C9orf72: variants seen among roughly 807,000 people sequenced by gnomAD.
The protein encoded by C9orf72 is C9orf72-SMCR8 complex subunit.
A neutral mutation model predicts 51.6 loss-of-function variants in C9orf72; 44 were observed. The observed-to-expected ratio is 0.85, with a 90% CI of 0.67 to 1.10. C9orf72 has a LOEUF of 1.10. Among genes scored for constraint, C9orf72 ranks in the 50% least tolerant of loss-of-function variants. C9orf72 has a pLI of 0.00. For missense variants in C9orf72, 607 were observed against 570.6 expected (o/e 1.06, Z -0.65); for synonymous variants, 213 against 194.2 (o/e 1.10, Z -0.81).
intron 7 of C9orf72, among the ~76,000 whole-genome samples, chr9:27,557,862 A>G (rs570174730): frequency 3.0e-4 from 46 of 152,078 alleles, no homozygotes; most frequent in Non-Finnish European, 5.6e-4. Flanking sequence ...GAAAGTAGTC[A>G]CTATGAGACA....
chr9:27,550,956 A>G (rs1820893749), intron 8 of C9orf72, among the ~76,000 whole-genome samples: 1 of 152,180 alleles, frequency 6.6e-6, no homozygotes, highest in Admixed American at 6.6e-5. Flanking sequence ...TTTTTTCTCT[A>G]AAGAATATAA....
chr9:27,550,819 T>C (rs1454609715), intron 8 of C9orf72, 112 bp from the exon 9 acceptor site: 7 of 526,178 alleles, frequency 1.3e-5, no homozygotes, highest in East Asian at 3.2e-5. Flanking sequence ...TTCTTATAAA[T>C]TGATATTACA....
At chr9:27,563,761 T>A (rs1033513445) in intron 3 of C9orf72, among the ~76,000 whole-genome samples, 3 of 152,140 alleles carry the variant, frequency 2.0e-5, no homozygotes, top group Admixed American at 2.0e-4. Context: ...AAAAAAACCA[T>A]CCTTTAGTAA....
chr9:27,573,215 C>T (rs117462033), intron 1 of C9orf72, among the ~76,000 whole-genome samples: 18,428 of 151,624 alleles, frequency 0.12, 1,486 homozygotes, highest in Non-Finnish European at 0.17. Flanking sequence ...CCTGCGCCGC[C>T]GCCGCCGCCG....
chr9:27,566,937 G>A lies in C9orf72; in HGVS notation c.184C>T (p.Leu62Phe). The change falls in exon 2 of 11, where the codon CTT becomes TTT. Residue 62 changes from leucine (L) to phenylalanine (F), a missense_variant. By Grantham distance (22) the Leu-to-Phe change is conservative. Coordinates refer to ENST00000380003, the MANE Select transcript of C9orf72 (RefSeq NM_018325.5). ...VLLSDGEITF[L>F]ANHTLNGEIL... ...TCTCCATTTAGAGTGTGGTTGGCAAGAAAAGTTATTTCTCCATCACTGAGA... is the reference window on the plus strand; with the variant it reads ...TCTCCATTTAGAGTGTGGTTGGCAAAAAAAGTTATTTCTCCATCACTGAGA... The A allele has an allele frequency of 1.2e-6, 2 of 1,614,074 alleles. No homozygotes were observed. Among genetic ancestry groups the A allele is most frequent in the Non-Finnish European group, 1.7e-6 (2 of 1,179,954 alleles).
At chr9:27,569,499 T>C (rs1767213743) in intron 1 of C9orf72, among the ~76,000 whole-genome samples, 1 of 152,244 alleles carries the variant, frequency 6.6e-6, no homozygotes, top group African/African-American at 2.4e-5. Context: ...TACCACTGTG[T>C]TACAACTGTC....
intron 6 of C9orf72, chr9:27,559,788 C>T (rs1236988290): frequency 1.3e-5 from 2 of 152,196 alleles, no homozygotes; most frequent in Admixed American, 6.5e-5. Flanking sequence ...TAATCAATGA[C>T]CACTTAATCC....
chr9:27,558,582 A>T lies in C9orf72; in HGVS notation c.764T>A (p.Leu255Gln), dbSNP rs1460274447. The T allele has an allele frequency of 8.8e-6, 14 of 1,598,802 alleles. No homozygotes were observed. The highest frequency in any genetic ancestry group is 1.1e-5 in the Non-Finnish European group (13 of 1,171,938). Residue 255 changes from leucine to glutamine, a missense_variant, in exon 7 of 11, where the codon CTG (leucine) becomes CAG (glutamine). Physicochemically the swap from Leu to Gln is moderately radical, Grantham distance 113. Coordinates refer to ENST00000380003, the MANE Select transcript of C9orf72 (RefSeq NM_018325.5). The part of the protein sequence containing the change: ...NKIVRTLCLF[L>Q]TPAERKCSRL... Reference sequence around the variant, plus strand: ...GGAGCATTTTCTCTCTGCTGGAGTCAGAAAAAGGCATAATGTTCTGACTAT... The same window carrying T: ...GGAGCATTTTCTCTCTGCTGGAGTCTGAAAAAGGCATAATGTTCTGACTAT...
In C9orf72 at chr9:27,548,645, A is replaced by G; in HGVS notation, c.1171T>C (p.Leu391=). Residue 391 remains leucine, a synonymous_variant, in exon 10 of 11, where the codon TTA becomes CTA. Coordinates refer to ENST00000380003, the MANE Select transcript of C9orf72 (RefSeq NM_018325.5). The stretch of plus-strand genomic sequence containing the variant: ...GCAAGGAAAGTACTTCTGAGAGATA[A>G]GCCAGGTTTCAGCTGAAAGACCTGC... ...LDQVFQLKPG[L]SLRSTFLAQF... is the part of the protein sequence containing the mutation. 1 of 1,611,238 alleles carries G rather than the reference A, an allele frequency of 6.2e-7. No homozygotes were observed. Among genetic ancestry groups the G allele is most frequent in the East Asian group, 2.2e-5 (1 of 44,850 alleles).
At chr9:27,565,467 C>G in intron 3 of C9orf72, 64 bp downstream of exon 3, 2 of 1,042,492 alleles carry the variant, frequency 1.9e-6, no homozygotes, top group Non-Finnish European at 2.9e-6. Flanking sequence ...ACAAATGTAG[C>G]CATCAACCTT....
Position 27,561,651 on chromosome 9 carries a change from T to C in C9orf72, c.601-2A>G, listed in dbSNP as rs771946390. On this transcript the variant is annotated splice_acceptor_variant, in intron 4 of 10. Transcript: ENST00000380003. LOFTEE classifies it high-confidence loss of function. ...ATCATTGAGTACTGTATCAGCTATC[T>C]AAAATGCATCAAAAAATAAAAAAAT... 5.1e-6 allele frequency: 8 copies of C among 1,569,004 alleles called. No homozygotes were observed. The highest frequency in any genetic ancestry group is 1.1e-5 in the South Asian group (1 of 87,510).
chr9:27,554,872 A>G (rs1018038142), intron 8 of C9orf72, among the ~76,000 whole-genome samples: 1 of 152,234 alleles, frequency 6.6e-6, no homozygotes, highest in Non-Finnish European at 1.5e-5. Flanking sequence ...AAAATTCAGG[A>G]TATTATTTTG....
chr9:27,573,288 C>T (rs1448025451), intron 1 of C9orf72, 143 bp downstream of exon 1: 1 of 171,612 alleles, frequency 5.8e-6, no homozygotes, highest in Admixed American at 6.5e-5. Context: ...AGGCGAAAGC[C>T]CGACACCCAG....
rs756724177 is a variant in C9orf72 at position 27,556,730 on chromosome 9, T to C, written c.922A>G (p.Ile308Val). 1.9e-6 allele frequency: 3 copies of C among 1,614,000 alleles called. No individual in the cohort carries two copies. Among genetic ancestry groups the C allele is most frequent in the Non-Finnish European group, 2.5e-6 (3 of 1,179,898 alleles). ...VMYAPYPTTH[I>V]DVDVNTVKQM... is the part of the protein sequence containing the mutation. ...TTCACAGTATTGACATCCACATCTA[T>C]GTGTGTGGTGGGATATGGAGCATAC... The change falls in exon 8 of 11, where the codon ATA becomes GTA. Residue 308 changes from isoleucine (I) to valine (V), a missense_variant. Ile to Val is a conservative substitution (Grantham distance 29). Coordinates refer to ENST00000380003, the MANE Select transcript of C9orf72 (RefSeq NM_018325.5).
chr9:27,563,859 A>G (rs1444650223), intron 3 of C9orf72, among the ~76,000 whole-genome samples: 1 of 152,196 alleles, frequency 6.6e-6, no homozygotes, highest in Non-Finnish European at 1.5e-5. Flanking sequence ...ATTCAATCTA[A>G]CAAGAATAAT....
rs1380427359 is a variant in C9orf72 at position 27,572,634 on chromosome 9, C to T, written c.-45+797G>A. On this transcript the variant is annotated intron_variant, in intron 1 of 10. Coordinates refer to ENST00000380003, the MANE Select transcript of C9orf72 (RefSeq NM_018325.5). Reference sequence around the variant, plus strand: ...CAATCTCGATTGCATCTGAAAGGGCCACCCCTCCTGGGAAAGTGCAGGACC... The same window carrying T: ...CAATCTCGATTGCATCTGAAAGGGCTACCCCTCCTGGGAAAGTGCAGGACC... Among the ~76,000 whole-genome samples, 7 of 152,238 alleles carry T rather than the reference C, an allele frequency of 4.6e-5. No individual in the cohort carries two copies. In the South Asian group the frequency reaches 1.2e-3, roughly 27 times the overall value.
chr9:27,562,676 CT>C (rs34007035), intron 3 of C9orf72, among the ~76,000 whole-genome samples, 200 bp from the exon 4 acceptor site: 34,193 of 144,620 alleles, frequency 0.24, 3,817 homozygotes, highest in East Asian at 0.31. Context: ...TCTTTCTTTT[CT>C]TTTTTTTTTT....
intron 1 of C9orf72, among the ~76,000 whole-genome samples, chr9:27,570,728 G>A (rs1819568189): frequency 6.6e-6 from 1 of 152,094 alleles, no homozygotes; most frequent in Non-Finnish European, 1.5e-5. Flanking sequence ...TTAGCCGGGT[G>A]TGGTGGTGGA....
chr9:27,567,028 A>G lies in C9orf72; in HGVS notation c.93T>C (p.Ala31=), dbSNP rs151145224. 2.5e-6 allele frequency: 4 copies of G among 1,614,050 alleles called. No homozygotes were observed. The highest frequency in any genetic ancestry group is 3.4e-6 in the Non-Finnish European group (4 of 1,179,908). The change falls in exon 2 of 11, where the codon GCT becomes GCC. Residue 31 remains alanine (A), a synonymous_variant. Transcript: ENST00000380003. ...TAGGACCAAGAATATTGTCCCAGTA[A>G]GCAAAAGTAGCTGCTAATAAAGGTG... ...GKSPLLAATF[A]YWDNILGPRV...
Sources: allele counts gnomAD v4.1 joint callset (sites outside exome capture counted in the v4.1 genomes callset), GRCh38; gene constraint gnomAD v4.1.1; transcripts MANE v1.5; gene names NCBI Gene and HGNC (gene_info 2026-07-23, HGNC 2026-07-21).